Variants in FGD3 observed in about 807,000 individuals in gnomAD.
FGD3 encodes FYVE, RhoGEF and PH domain containing 3, also known as FYVE, RhoGEF and PH domain-containing protein 3.
In FGD3, 45 loss-of-function variants were observed where a neutral mutation model predicts 71.8. That is an observed-to-expected ratio of 0.63 (90% CI 0.49 to 0.80). The LOEUF (loss-of-function observed/expected upper bound fraction) is 0.80, where lower values mean the gene tolerates loss of function less well. FGD3 is among the 30% of genes least tolerant of loss of function. FGD3 has a pLI of 0.00. For synonymous variants in FGD3, 378 were observed against 392.8 expected (o/e 0.96, Z 0.44); for missense variants, 844 against 951.5 (o/e 0.89, Z 1.49).
At chr9:92,993,380 T>C (rs1177330238) in intron 3 of FGD3, among the ~76,000 whole-genome samples, 3 of 152,214 alleles carry the variant, frequency 2.0e-5, no homozygotes, top group Non-Finnish European at 4.4e-5. Flanking sequence ...AGCCTATGTG[T>C]GTCCTTATAT....
At chr9:92,984,634 T>C (rs190661685) in intron 3 of FGD3, among the ~76,000 whole-genome samples, 35 of 152,230 alleles carry the variant, frequency 2.3e-4, no homozygotes, top group Admixed American at 2.0e-3. Context: ...CCAGGAGAAA[T>C]AGAGCTCTTA....
intron 13 of FGD3, among the ~76,000 whole-genome samples, chr9:93,021,322 C>T (rs965304846): frequency 6.6e-6 from 1 of 152,142 alleles, no homozygotes; most frequent in Non-Finnish European, 1.5e-5. Context: ...GGGAAAGAGG[C>T]GGGGCTGCAG....
At chr9:92,987,313 T>A (rs960892999) in intron 3 of FGD3, among the ~76,000 whole-genome samples, 7 of 151,656 alleles carry the variant, frequency 4.6e-5, no homozygotes, top group African/African-American at 1.7e-4. Flanking sequence ...GTGCCTGTAA[T>A]CCCAGCTACT....
intron 16 of FGD3, 31 bp downstream of exon 16, chr9:93,032,904 G>C: frequency 1.2e-6 from 2 of 1,600,676 alleles, no homozygotes; most frequent in South Asian, 1.1e-5. Context: ...CTCCCCTCCT[G>C]GTGGCGCGGC....
chr9:92,976,458 A>G lies in FGD3; in HGVS notation c.202A>G (p.Ser68Gly). 6.2e-7 allele frequency: 1 copy of G among 1,611,994 alleles called. No homozygotes were observed. The highest frequency in any genetic ancestry group is 8.5e-7 in the Non-Finnish European group (1 of 1,179,462). Residue 68 changes from serine to glycine, a missense_variant, in exon 3 of 18, where the codon AGC (serine) becomes GGC (glycine). Transcript: ENST00000375482. Reference sequence around the variant, plus strand: ...AGGCCCCACGGGAGAGCTGAGTGGTAGCTTAAAGATCCCCAACCGGGACAG... The same window carrying G: ...AGGCCCCACGGGAGAGCTGAGTGGTGGCTTAAAGATCCCCAACCGGGACAG... Reference protein sequence around the residue: ...DIGPTGELSGSLKIPNRDSGI... With the variant: ...DIGPTGELSGGLKIPNRDSGI...
At position 93,011,195 on chromosome 9, in the gene FGD3, C is replaced by T. The variant is rs369575115; in HGVS notation, c.977-19C>T. ...GGAGCCACCGTGGCCCCAGGCTGAA[C>T]ACAGTCTTCTTCCTGCAGGGTCCTT... On this transcript the variant is annotated intron_variant, in intron 7 of 17. Coordinates refer to ENST00000375482, the MANE Select transcript of FGD3 (RefSeq NM_001083536.2). The T allele has an allele frequency of 4.2e-4, 685 of 1,614,034 alleles. 9 individuals carry two copies. The South Asian group carries it at 7.1e-3, about 17-fold the overall frequency.
intron 13 of FGD3, among the ~76,000 whole-genome samples, chr9:93,021,202 G>A (rs2118793000): frequency 6.6e-6 from 1 of 152,332 alleles, no homozygotes; most frequent in Admixed American, 6.5e-5. Context: ...CGTGCCCTGG[G>A]AGATGGTGGC....
At chr9:93,028,339 GA>G (rs58386783) in intron 14 of FGD3, among the ~76,000 whole-genome samples, 25,886 of 139,022 alleles carry the variant, frequency 0.19, 2,584 homozygotes, top group African/African-American at 0.3. Flanking sequence ...TTTTAAACAG[GA>G]AAAAAAAAAA....
chr9:93,034,734 C>A, intron 17 of FGD3, 53 bp downstream of exon 17: 1 of 1,570,490 alleles, frequency 6.4e-7, no homozygotes, highest in Non-Finnish European at 8.6e-7. Flanking sequence ...GAGCCTCAGG[C>A]CTGAGGCACC....
At chr9:92,997,153 G>A (rs1860679027) in intron 3 of FGD3, among the ~76,000 whole-genome samples, 1 of 152,142 alleles carries the variant, frequency 6.6e-6, no homozygotes, top group Non-Finnish European at 1.5e-5. Context: ...ATGAATATGG[G>A]TGCTCCTGTA....
At chr9:92,949,675 G>A (rs776483184) in intron 1 of FGD3, among the ~76,000 whole-genome samples, 10 of 152,212 alleles carry the variant, frequency 6.6e-5, no homozygotes, top group African/African-American at 2.2e-4. Flanking sequence ...ACCAGGCAGC[G>A]GCTCTTGGCC....
chr9:93,012,325 C>T (rs1564162874), intron 8 of FGD3, among the ~76,000 whole-genome samples: 1 of 152,160 alleles, frequency 6.6e-6, no homozygotes, highest in Non-Finnish European at 1.5e-5. Flanking sequence ...ACAGCTGTTT[C>T]ATGACTCCTA....
At chr9:92,991,693 C>G (rs1182372881) in intron 3 of FGD3, among the ~76,000 whole-genome samples, 3 of 152,070 alleles carry the variant, frequency 2.0e-5, no homozygotes, top group Non-Finnish European at 2.9e-5. Context: ...TAGTTTAAAT[C>G]TGATGTGTCT....
At chr9:92,997,809 T>C (rs1038518265) in intron 3 of FGD3, among the ~76,000 whole-genome samples, 2 of 152,222 alleles carry the variant, frequency 1.3e-5, no homozygotes, top group Non-Finnish European at 2.9e-5. Context: ...CACTCTCTTC[T>C]GGCTTGTAGA....
chr9:92,958,215 T>G (rs1587810490), intron 1 of FGD3, among the ~76,000 whole-genome samples: 1 of 152,068 alleles, frequency 6.6e-6, no homozygotes, highest in Admixed American at 6.6e-5. Context: ...GCCAGGCTGG[T>G]CTCCAACTCC....
chr9:93,021,957 TCGGG>T (rs1861935317), intron 13 of FGD3, among the ~76,000 whole-genome samples: 1 of 152,046 alleles, frequency 6.6e-6, no homozygotes, highest in Admixed American at 6.5e-5. Context: ...GCTGAGAAAG[TCGGG>T]GAGCTGCAGA....
intron 3 of FGD3, among the ~76,000 whole-genome samples, chr9:92,978,916 G>A (rs1033108618): frequency 1.3e-5 from 2 of 150,094 alleles, no homozygotes; most frequent in Admixed American, 1.3e-4. Context: ...TTATAGCTGT[G>A]AGCCACCATG....
At chr9:92,949,258 T>C (rs1473636842) in intron 1 of FGD3, among the ~76,000 whole-genome samples, 1 of 152,176 alleles carries the variant, frequency 6.6e-6, no homozygotes, top group African/African-American at 2.4e-5. Context: ...CGTGGACCAG[T>C]GCCTCAGTTT....
At chr9:92,948,007 G>T (rs1858887808) in intron 1 of FGD3, among the ~76,000 whole-genome samples, 1 of 152,048 alleles carries the variant, frequency 6.6e-6, no homozygotes, top group South Asian at 2.1e-4. Context: ...TGGGACCCCC[G>T]GCTCGGGAAC....
Sources: gnomAD v4.1 joint callset for allele counts (sites outside exome capture counted in the v4.1 genomes callset) on GRCh38, gnomAD v4.1.1 for gene constraint, MANE v1.5 for transcripts, NCBI Gene and HGNC (gene_info 2026-07-23, HGNC 2026-07-21) for gene names.